The following AMMECR1 variants were observed in gnomAD, a reference collection of about 807,000 sequenced individuals.
The protein encoded by AMMECR1 is AMMECR nuclear protein 1.
A neutral mutation model predicts 22.5 loss-of-function variants in AMMECR1; 3 were observed. The ratio of observed to expected loss-of-function variants is 0.13; its 90% confidence interval spans 0.06 to 0.35. AMMECR1 has a LOEUF of 0.35. Ranked by LOEUF, AMMECR1 falls within the 10% of genes least tolerant of loss-of-function variation. The pLI, the probability that AMMECR1 is intolerant of heterozygous loss-of-function variation, is 1.00. For missense variants in AMMECR1, 235 were observed against 278.7 expected (o/e 0.84, Z 1.12); for synonymous variants, 130 against 116.7 (o/e 1.11, Z -0.74).
In AMMECR1 at chrX:110,199,244, T is replaced by C. The variant is rs765383815; in HGVS notation, c.888-610A>G. ...TCAGAAGGCTTCCCCTGACTCAGCT[T>C]GATCTTTCCATTTGCCCATCATGCC... On this transcript the variant is annotated intron_variant, in intron 5 of 5. Coordinates refer to ENST00000262844, the MANE Select transcript of AMMECR1 (RefSeq NM_015365.3). 3.6e-5 allele frequency among the ~76,000 whole-genome samples: 4 copies of C among 111,066 alleles called. No homozygotes were observed. The South Asian group carries it at 1.5e-3, about 43-fold the overall frequency.
intron 2 of AMMECR1, among the ~76,000 whole-genome samples, chrX:110,378,501 A>G (rs893822800): frequency 2.1e-4 from 23 of 112,132 alleles, no homozygotes; most frequent in Admixed American, 1.0e-3. Context: ...GTAACGTACT[A>G]GCTCCTCATC....
chrX:110,417,990 AG>A (rs2068690076), intron 2 of AMMECR1, among the ~76,000 whole-genome samples: 2 of 112,735 alleles, frequency 1.8e-5, no homozygotes, highest in Admixed American at 1.9e-4. Flanking sequence ...TGCCTGCAAA[AG>A]CTTCATGCCA....
chrX:110,297,956 C>A (rs1466209658), intron 1 of AMMECR1, among the ~76,000 whole-genome samples: 2 of 111,586 alleles, frequency 1.8e-5, no homozygotes, highest in African/African-American at 6.5e-5. Context: ...CCTTTGGTGA[C>A]TACAGGGAAA....
intron 2 of AMMECR1, among the ~76,000 whole-genome samples, chrX:110,247,928 G>C (rs948953592): frequency 8.9e-6 from 1 of 112,169 alleles, no homozygotes. Context: ...CAAAATAGAA[G>C]ATAATGAATG....
chrX:110,339,973 T>C (rs7067049), intron 2 of AMMECR1, among the ~76,000 whole-genome samples: 2,964 of 78,658 alleles, frequency 0.038, 131 homozygotes, highest in African/African-American at 0.14. Context: ...AGGCAAAACA[T>C]ACACACACAC....
chrX:110,201,462 A>T (rs1452310315), intron 4 of AMMECR1, among the ~76,000 whole-genome samples: 2 of 111,716 alleles, frequency 1.8e-5, no homozygotes, highest in East Asian at 5.6e-4. Flanking sequence ...CCTCACAGTA[A>T]TTGTTGTTCC....
chrX:110,223,235 G>T (rs2067513680), intron 2 of AMMECR1, among the ~76,000 whole-genome samples: 1 of 112,445 alleles, frequency 8.9e-6, no homozygotes, highest in Non-Finnish European at 1.9e-5. Context: ...TCTACATAAT[G>T]CTTTCTCTGC....
At chrX:110,360,927 T>C (rs1276883834) in intron 2 of AMMECR1, among the ~76,000 whole-genome samples, 1 of 111,689 alleles carries the variant, frequency 9.0e-6, no homozygotes, top group Non-Finnish European at 1.9e-5. Flanking sequence ...AAGCCTAAGA[T>C]ATCTTCTGTC....
intron 2 of AMMECR1, among the ~76,000 whole-genome samples, chrX:110,369,600 G>A (rs1470393682): frequency 9.0e-6 from 1 of 110,825 alleles, no homozygotes; most frequent in Non-Finnish European, 1.9e-5. Flanking sequence ...CCTGGGGCAT[G>A]TCATCACACT....
intron 2 of AMMECR1, among the ~76,000 whole-genome samples, chrX:110,388,616 G>A (rs2068474065): frequency 8.9e-6 from 1 of 112,298 alleles, no homozygotes; most frequent in South Asian, 3.7e-4. Flanking sequence ...CAGGCGTGAG[G>A]ATGCATCAAA....
chrX:110,294,059 T>C (rs911955046), intron 1 of AMMECR1, among the ~76,000 whole-genome samples: 1 of 112,258 alleles, frequency 8.9e-6, no homozygotes, highest in African/African-American at 3.2e-5. Flanking sequence ...GTTCATTTAA[T>C]TAAAATTTCG....
chrX:110,252,914 A>G (rs1008529251), intron 2 of AMMECR1, among the ~76,000 whole-genome samples: 1 of 112,350 alleles, frequency 8.9e-6, no homozygotes, highest in African/African-American at 3.2e-5. Flanking sequence ...GGAGAGCCAG[A>G]TATCAAATGT....
At chrX:110,259,754 G>A (rs1173041353) in intron 2 of AMMECR1, among the ~76,000 whole-genome samples, 1 of 109,255 alleles carries the variant, frequency 9.2e-6, no homozygotes. Flanking sequence ...ACCACGCCCG[G>A]CTAATTTTTT....
chrX:110,251,908 G>A (rs1009710919), intron 2 of AMMECR1, among the ~76,000 whole-genome samples: 1 of 111,492 alleles, frequency 9.0e-6, no homozygotes, highest in Non-Finnish European at 1.9e-5. Context: ...GTGTCCAAGA[G>A]AAAAAGAAAA....
intron 2 of AMMECR1, among the ~76,000 whole-genome samples, chrX:110,327,283 C>CGGA (rs2068101396): frequency 9.0e-6 from 1 of 111,315 alleles, no homozygotes; most frequent in African/African-American, 3.3e-5. Flanking sequence ...AGGATTGAGT[C>CGGA]CTGAGGTTGC....
intron 2 of AMMECR1, among the ~76,000 whole-genome samples, chrX:110,224,551 T>C (rs2067522237): frequency 9.0e-6 from 1 of 111,112 alleles, no homozygotes; most frequent in African/African-American, 3.3e-5. Flanking sequence ...TATATATTTT[T>C]CAGAAACAAA....
chrX:110,220,822 C>T (rs1472809489), intron 2 of AMMECR1, among the ~76,000 whole-genome samples: 1 of 111,409 alleles, frequency 9.0e-6, no homozygotes, highest in African/African-American at 3.3e-5. Context: ...TAAAAATGAA[C>T]ATTTTAAGAA....
At chrX:110,325,857 A>G (rs773160787) in intron 2 of AMMECR1, among the ~76,000 whole-genome samples, 2 of 111,769 alleles carry the variant, frequency 1.8e-5, no homozygotes, top group East Asian at 5.6e-4. Context: ...ATGGCAGGTT[A>G]GGTTATTGAA....
intron 2 of AMMECR1, among the ~76,000 whole-genome samples, chrX:110,392,443 AT>A (rs2068501408): frequency 9.1e-6 from 1 of 110,214 alleles, no homozygotes. Flanking sequence ...TGCCTGGCTA[AT>A]TTATTTTATT....
Sources: gnomAD v4.1 joint callset for allele counts (sites outside exome capture counted in the v4.1 genomes callset) on GRCh38, gnomAD v4.1.1 for gene constraint, MANE v1.5 for transcripts, NCBI Gene and HGNC (gene_info 2026-07-23, HGNC 2026-07-21) for gene names.